Variants in SGCZ observed in about 807,000 individuals in gnomAD.
SGCZ encodes sarcoglycan zeta, also known as zeta-sarcoglycan.
Under a neutral mutation model 41.3 loss-of-function variants are expected in SGCZ, and 40 were observed. The observed-to-expected ratio is 0.97, with a 90% confidence interval of 0.75 to 1.26. The LOEUF is 1.26. SGCZ is among the 50% of genes most tolerant of loss of function. The probability of loss-of-function intolerance (pLI) is 0.00; values close to 1 mark genes in which losing one functional copy is unlikely to be tolerated. For synonymous variants in SGCZ, 206 were observed against 137.5 expected, an observed-to-expected ratio of 1.50 and a Z score of -3.49; for missense variants, 552 against 369.8, an observed-to-expected ratio of 1.49 and a Z score of -4.04.
intron 1 of SGCZ, among the ~76,000 whole-genome samples, chr8:15,045,778 G>C (rs975311324): frequency 6.6e-6 from 1 of 151,888 alleles, no homozygotes; most frequent in South Asian, 2.1e-4. Context: ...TGACAAAGTG[G>C]GTAATCAGAG....
Position 15,163,074 on chromosome 8 carries a change from C to CT in SGCZ, c.39+74510_39+74511insA, listed in dbSNP as rs1563159555. ...GCTATGACTAGGACTGCAGACAGAT[C>CT]ACCAAAGAACTGGACGCCTTTGTTA... On this transcript the variant is annotated intron_variant, in intron 1 of 7. Coordinates refer to ENST00000382080, the MANE Select transcript of SGCZ (RefSeq NM_139167.4). Among the ~76,000 whole-genome samples the CT allele has an allele frequency of 7.9e-5, 12 of 152,312 alleles. No homozygotes were observed. In the East Asian group the frequency reaches 2.1e-3, roughly 27 times the overall value.
intron 1 of SGCZ, among the ~76,000 whole-genome samples, chr8:15,123,400 G>T (rs555693132): frequency 6.6e-6 from 1 of 152,024 alleles, no homozygotes; most frequent in South Asian, 2.1e-4. Flanking sequence ...TATCTTATAT[G>T]CAACACTTTG....
chr8:14,635,247 C>T (rs1474425893), intron 1 of SGCZ, among the ~76,000 whole-genome samples: 1 of 151,828 alleles, frequency 6.6e-6, no homozygotes, highest in Non-Finnish European at 1.5e-5. Flanking sequence ...AATGTATCTC[C>T]ATTTCCATTT....
chr8:14,671,810 C>T (rs1808111743), intron 1 of SGCZ, among the ~76,000 whole-genome samples: 1 of 151,960 alleles, frequency 6.6e-6, no homozygotes, highest in Non-Finnish European at 1.5e-5. Flanking sequence ...TATTTTAATT[C>T]CGTATTGAAT....
chr8:14,970,407 C>T (rs916356480), intron 1 of SGCZ, among the ~76,000 whole-genome samples: 26 of 152,220 alleles, frequency 1.7e-4, no homozygotes, highest in African/African-American at 6.0e-4. Context: ...AACTAAGGCA[C>T]AGAAGTTTTT....
At chr8:14,257,369 AAAC>A (rs1585288404) in intron 3 of SGCZ, among the ~76,000 whole-genome samples, 1 of 151,992 alleles carries the variant, frequency 6.6e-6, no homozygotes, top group Admixed American at 6.6e-5. Flanking sequence ...AGAAGAAAGA[AAAC>A]AAAACAAAAA....
chr8:14,201,504 G>T (rs1398725627), intron 4 of SGCZ, among the ~76,000 whole-genome samples: 1 of 152,244 alleles, frequency 6.6e-6, no homozygotes, highest in Non-Finnish European at 1.5e-5. Context: ...AATCCATTGT[G>T]CTGAGTGAAA....
chr8:14,484,463 C>A (rs13272164), intron 2 of SGCZ, among the ~76,000 whole-genome samples: 1 of 151,792 alleles, frequency 6.6e-6, no homozygotes, highest in Middle Eastern at 3.2e-3. Context: ...AATTCAGAAA[C>A]TTGCATTGAT....
chr8:14,982,467 A>T (rs79120166), intron 1 of SGCZ, among the ~76,000 whole-genome samples: 1 of 152,324 alleles, frequency 6.6e-6, no homozygotes, highest in Admixed American at 6.5e-5. Context: ...AATTGTATCA[A>T]TGGGCTTTGG....
chr8:14,975,139 T>C (rs1189557410), intron 1 of SGCZ, among the ~76,000 whole-genome samples: 2 of 152,034 alleles, frequency 1.3e-5, no homozygotes, highest in Non-Finnish European at 2.9e-5. Context: ...ACCGCGTCTC[T>C]ACTAAAAATA....
At chr8:14,400,035 A>G (rs777425636) in intron 2 of SGCZ, among the ~76,000 whole-genome samples, 11 of 151,928 alleles carry the variant, frequency 7.2e-5, no homozygotes, top group Non-Finnish European at 1.2e-4. Context: ...TCCCCCAATA[A>G]GCCCTAGGCA....
intron 3 of SGCZ, among the ~76,000 whole-genome samples, chr8:14,263,734 G>C (rs191388326): frequency 6.6e-6 from 1 of 152,020 alleles, no homozygotes; most frequent in Non-Finnish European, 1.5e-5. Flanking sequence ...CAGGTGAGAG[G>C]TCAAAGTACC....
chr8:14,894,006 A>G (rs915944750), intron 1 of SGCZ, among the ~76,000 whole-genome samples: 1 of 152,140 alleles, frequency 6.6e-6, no homozygotes, highest in Non-Finnish European at 1.5e-5. Flanking sequence ...TCTATATCAA[A>G]ATGACTGGTG....
At chr8:15,126,641 C>T (rs1335269462) in intron 1 of SGCZ, among the ~76,000 whole-genome samples, 2 of 152,044 alleles carry the variant, frequency 1.3e-5, no homozygotes, top group African/African-American at 2.4e-5. Context: ...CTGGGAAAGT[C>T]GGAGAAAATG....
intron 1 of SGCZ, among the ~76,000 whole-genome samples, chr8:15,071,999 C>A (rs901438233): frequency 2.0e-5 from 3 of 152,126 alleles, no homozygotes; most frequent in Non-Finnish European, 2.9e-5. Flanking sequence ...CCCAGCTCCA[C>A]GGATCTCTAC....
chr8:14,482,542 G>A (rs548020999), intron 2 of SGCZ, among the ~76,000 whole-genome samples: 4 of 152,174 alleles, frequency 2.6e-5, no homozygotes, highest in African/African-American at 9.6e-5. Context: ...TTTCTTGCTT[G>A]ATTAAGACGG....
At chr8:14,316,564 C>A (rs546874401) in intron 3 of SGCZ, among the ~76,000 whole-genome samples, 27 of 152,042 alleles carry the variant, frequency 1.8e-4, no homozygotes, top group Admixed American at 1.7e-3. Context: ...GTTACTTGAC[C>A]TATCAGAGGC....
At chr8:15,035,912 G>A (rs1029408019) in intron 1 of SGCZ, among the ~76,000 whole-genome samples, 6 of 151,608 alleles carry the variant, frequency 4.0e-5, no homozygotes, top group Non-Finnish European at 8.8e-5. Flanking sequence ...TTGCATTTTC[G>A]GTAATGGATA....
At chr8:15,011,307 C>T (rs1015202013) in intron 1 of SGCZ, among the ~76,000 whole-genome samples, 4 of 151,936 alleles carry the variant, frequency 2.6e-5, no homozygotes, top group African/African-American at 9.7e-5. Context: ...TATTCTTTGT[C>T]TATTTGAACT....
Sources: gnomAD v4.1 joint callset for allele counts (sites outside exome capture counted in the v4.1 genomes callset) on GRCh38, gnomAD v4.1.1 for gene constraint, MANE v1.5 for transcripts, NCBI Gene and HGNC (gene_info 2026-07-23, HGNC 2026-07-21) for gene names.